The following GPR176 variants were observed in gnomAD, a reference collection of about 807,000 sequenced individuals.
GPR176 encodes the protein G-protein coupled receptor 176.
Under a neutral mutation model 35.4 loss-of-function variants are expected in GPR176, and 26 were observed. The ratio of observed to expected loss-of-function variants is 0.74; its 90% CI spans 0.54 to 1.02. GPR176 has a LOEUF of 1.02. Ranked by LOEUF, GPR176 falls within the 50% of genes least tolerant of loss-of-function variation. The probability of loss-of-function intolerance (pLI) is 0.00; values close to 1 mark genes in which losing one functional copy is unlikely to be tolerated. For synonymous variants in GPR176, 278 were observed against 271.3 expected, an observed-to-expected ratio of 1.02 and a Z score of -0.24; for missense variants, 597 against 665.3, an observed-to-expected ratio of 0.90 and a Z score of 1.13.
At chr15:39,826,383 G>A (rs1389255223) in intron 1 of GPR176, among the ~76,000 whole-genome samples, 2 of 152,182 alleles carry the variant, frequency 1.3e-5, no homozygotes, top group African/African-American at 4.8e-5. Flanking sequence ...AAGGTTGAGA[G>A]ATTTCCAACT....
rs1454445466 is a variant in GPR176, at chr15:39,919,997, T to TGG, written c.28_29dup (p.Asn11GlnfsTer17). ...ACGCGTTGTGCGGCTCGCTGGCATT[T>TGG]GGAGAGATCCAGCTCCCGTTATGTC... On this transcript the variant is annotated frameshift_variant, in exon 1 of 3. Coordinates refer to ENST00000561100, the MANE Select transcript of GPR176 (RefSeq NM_007223.3). LOFTEE classifies it high-confidence loss of function. 1.4e-6 allele frequency: 2 copies of TGG among 1,438,238 alleles called. No individual in the cohort carries two copies. Among genetic ancestry groups the TGG allele is most frequent in the Non-Finnish European group, 1.8e-6 (2 of 1,093,114 alleles). The allele number at this position is 1,438,238 out of a possible 1,614,324, so 89.1% of individuals were successfully genotyped here.
intron 1 of GPR176, among the ~76,000 whole-genome samples, chr15:39,873,627 TTTTTTTTGAGACTAG>T: frequency 6.6e-6 from 1 of 151,364 alleles, no homozygotes; most frequent in Admixed American, 6.6e-5. Flanking sequence ...TTTTCTTTTT[TTTTTTTTGAGACTAG>T]TTTTTCTTAT....
chr15:39,801,331 G>A lies in GPR176; in HGVS notation c.1349C>T (p.Ser450Phe). Residue 450 changes from serine to phenylalanine, a missense_variant, in exon 3 of 3, where the codon TCC (serine) becomes TTC (phenylalanine). Physicochemically the swap from Ser to Phe is radical, Grantham distance 155. This residue lies in a region of GPR176 where 251 missense variants were observed against 255.4 expected (regional missense o/e 0.98). Transcript: ENST00000561100. ...VEPETFPDKY[S>F]LQFGFGPFEL... The stretch of plus-strand genomic sequence containing the variant: ...AAAAGGCCCAAAGCCAAACTGCAGG[G>A]AATACTTATCAGGGAATGTTTCAGG... The A allele has an allele frequency of 6.2e-7, 1 of 1,614,092 alleles. No individual in the cohort carries two copies. The highest frequency in any genetic ancestry group is 8.5e-7 in the Non-Finnish European group (1 of 1,179,934).
At chr15:39,897,044 T>C (rs1452153095) in intron 1 of GPR176, among the ~76,000 whole-genome samples, 1 of 152,206 alleles carries the variant, frequency 6.6e-6, no homozygotes, top group Non-Finnish European at 1.5e-5. Flanking sequence ...AAATGCATTA[T>C]GCTGAAATGC....
intron 1 of GPR176, among the ~76,000 whole-genome samples, chr15:39,835,356 T>C (rs1371086033): frequency 1.3e-5 from 2 of 151,988 alleles, no homozygotes; most frequent in African/African-American, 4.8e-5. Context: ...ATACCTACTA[T>C]GTACTCACAA....
intron 1 of GPR176, among the ~76,000 whole-genome samples, chr15:39,869,152 T>TAAAAAAAA (rs66463189): frequency 7.7e-6 from 1 of 130,026 alleles, no homozygotes; most frequent in African/African-American, 2.9e-5. Context: ...AACTGCTTTT[T>TAAAAAAAA]AAAAAAAAAA....
intron 1 of GPR176, among the ~76,000 whole-genome samples, chr15:39,866,257 A>T (rs2031824545): frequency 6.6e-6 from 1 of 152,160 alleles, no homozygotes; most frequent in African/African-American, 2.4e-5. Context: ...GATGCTGTGG[A>T]AAGGACAGGC....
chr15:39,907,176 G>A (rs1418352202), intron 1 of GPR176, among the ~76,000 whole-genome samples: 1 of 152,232 alleles, frequency 6.6e-6, no homozygotes, highest in African/African-American at 2.4e-5. Flanking sequence ...GTCTTTGCAA[G>A]TATTAAGCTT....
chr15:39,915,199 T>C (rs1172449041), intron 1 of GPR176, among the ~76,000 whole-genome samples: 1 of 152,140 alleles, frequency 6.6e-6, no homozygotes, highest in African/African-American at 2.4e-5. Context: ...TTCTTTCAGT[T>C]CTAGAGGTTA....
intron 1 of GPR176, among the ~76,000 whole-genome samples, chr15:39,816,937 C>T (rs1351829743): frequency 1.3e-5 from 2 of 151,916 alleles, no homozygotes; most frequent in East Asian, 1.9e-4. Context: ...GGTGTGGTGG[C>T]ATGCACCTGT....
chr15:39,848,261 A>G (rs1354373380), intron 1 of GPR176, among the ~76,000 whole-genome samples: 1 of 152,182 alleles, frequency 6.6e-6, no homozygotes, highest in African/African-American at 2.4e-5. Flanking sequence ...AGGGTCAATC[A>G]AATAAGAAGA....
intron 1 of GPR176, among the ~76,000 whole-genome samples, chr15:39,898,341 G>T (rs143251702): frequency 6.6e-6 from 1 of 151,934 alleles, no homozygotes; most frequent in Non-Finnish European, 1.5e-5. Flanking sequence ...AGATAATACC[G>T]CCTTAAAATA....
At chr15:39,840,841 A>G (rs1386869327) in intron 1 of GPR176, among the ~76,000 whole-genome samples, 2 of 152,162 alleles carry the variant, frequency 1.3e-5, no homozygotes, top group Non-Finnish European at 2.9e-5. Context: ...AATATTTACC[A>G]AGTATTTTAC....
Position 39,826,188 on chromosome 15 carries a change from A to G in GPR176, c.173-18930T>C, listed in dbSNP as rs1391648033. ...CCTCAGAGGAAAGCTTCAATCCACAACAAATAACTCCCCAGGATTGTGCTG... is the reference window on the plus strand; with the variant it reads ...CCTCAGAGGAAAGCTTCAATCCACAGCAAATAACTCCCCAGGATTGTGCTG... On this transcript the variant is annotated intron_variant, in intron 1 of 2. Transcript: ENST00000561100. Among the ~76,000 whole-genome samples the G allele has an allele frequency of 1.4e-4, 21 of 152,216 alleles. 1 individual carries two copies. Among genetic ancestry groups the G allele is most frequent in the Non-Finnish European group, 1.5e-5 (1 of 68,034 alleles).
At chr15:39,818,064 G>A (rs1485508866) in intron 1 of GPR176, among the ~76,000 whole-genome samples, 1 of 152,174 alleles carries the variant, frequency 6.6e-6, no homozygotes, top group Admixed American at 6.5e-5. Flanking sequence ...AAGAATTATG[G>A]CCAAAGAATG....
intron 1 of GPR176, among the ~76,000 whole-genome samples, chr15:39,809,746 G>A (rs961332767): frequency 3.3e-5 from 5 of 152,114 alleles, no homozygotes; most frequent in Non-Finnish European, 7.4e-5. Flanking sequence ...AACCAAAAAG[G>A]AAATAAGAGG....
At chr15:39,872,315 T>G (rs2032072642) in intron 1 of GPR176, among the ~76,000 whole-genome samples, 1 of 151,972 alleles carries the variant, frequency 6.6e-6, no homozygotes, top group Non-Finnish European at 1.5e-5. Context: ...AAGTCAATGG[T>G]GGAGAGAAAG....
At chr15:39,836,618 T>G (rs138835471) in intron 1 of GPR176, among the ~76,000 whole-genome samples, 2 of 152,250 alleles carry the variant, frequency 1.3e-5, no homozygotes, top group East Asian at 3.9e-4. Flanking sequence ...CTCCTTAATT[T>G]AGGCAGACTC....
At chr15:39,827,456 T>C (rs531715294) in intron 1 of GPR176, among the ~76,000 whole-genome samples, 1 of 152,302 alleles carries the variant, frequency 6.6e-6, no homozygotes, top group East Asian at 1.9e-4. Context: ...AGTTAGTTTC[T>C]GTTGAACCCT....
Sources: gnomAD v4.1 joint callset for allele counts (sites outside exome capture counted in the v4.1 genomes callset) on GRCh38, gnomAD v4.1.1 for gene constraint, gnomAD v4.1.1 regional missense constraint, MANE v1.5 for transcripts, NCBI Gene and HGNC (gene_info 2026-07-23, HGNC 2026-07-21) for gene names.